Variants in LRTM1 observed in about 807,000 individuals in gnomAD.
LRTM1 encodes leucine rich repeat transmembrane protein 1.
LRTM1 carries 38 observed loss-of-function variants against 32.4 expected under a neutral mutation model. The ratio of observed to expected loss-of-function variants is 1.17; its 90% confidence interval spans 0.91 to 1.54. The LOEUF (loss-of-function observed/expected upper bound fraction) is 1.54, where lower values mean the gene tolerates loss of function less well. LRTM1 is among the 40% of genes most tolerant of loss of function. LRTM1 has a pLI of 0.00. For missense variants in LRTM1, 466 were observed against 415.4 expected, an observed-to-expected ratio of 1.12 and a Z score of -1.06; for synonymous variants, 186 against 169.9, an observed-to-expected ratio of 1.09 and a Z score of -0.74.
chr3:54,964,936 A>G (rs2107058261), intron 1 of LRTM1, among the ~76,000 whole-genome samples: 1 of 152,136 alleles, frequency 6.6e-6, no homozygotes, highest in African/African-American at 2.4e-5. Flanking sequence ...CCCATTTTAT[A>G]GGCCCTTTCC....
At position 54,940,888 on chromosome 3, in the gene LRTM1, A is replaced by G. The variant is rs548236555; in HGVS notation, c.-221-15673T>C. On this transcript the variant is annotated intron_variant, in intron 1 of 2. Transcript: ENST00000493075. ...CTAGCAGGGAGCCAAAGGTATCTGT[A>G]TGTTTGCATCTTGAAAAATAAATGG... Among the ~76,000 whole-genome samples, 8 of 152,312 alleles carry G rather than the reference A, an allele frequency of 5.3e-5. No individual in the cohort carries two copies. The South Asian group carries it at 1.7e-3, about 32-fold the overall frequency.
At chr3:54,925,759 T>C (rs1381339677) in intron 1 of LRTM1, among the ~76,000 whole-genome samples, 3 of 152,196 alleles carry the variant, frequency 2.0e-5, no homozygotes, top group Non-Finnish European at 4.4e-5. Context: ...ACCAAGGAAC[T>C]GAATTTTTAT....
At chr3:54,961,262 C>G (rs932382030) in intron 1 of LRTM1, among the ~76,000 whole-genome samples, 2 of 152,110 alleles carry the variant, frequency 1.3e-5, no homozygotes, top group African/African-American at 4.8e-5. Context: ...GAGATATTAA[C>G]CAAGCCATGT....
At chr3:54,931,522 C>T (rs1283274120), upstream of LRTM1, among the ~76,000 whole-genome samples, 1 of 152,138 alleles carries the variant, frequency 6.6e-6, no homozygotes, top group Non-Finnish European at 1.5e-5. Flanking sequence ...AAAAGAGGAA[C>T]CAAGGAGAGA....
upstream of LRTM1, among the ~76,000 whole-genome samples, chr3:54,932,365 C>G (rs1701211142): frequency 6.6e-6 from 1 of 151,886 alleles, no homozygotes; most frequent in Admixed American, 6.6e-5. Context: ...GTTGGTTTGT[C>G]TGAAAATGGA....
chr3:54,946,995 C>T (rs1247398004), intron 1 of LRTM1, among the ~76,000 whole-genome samples: 2 of 152,100 alleles, frequency 1.3e-5, no homozygotes, highest in Non-Finnish European at 2.9e-5. Flanking sequence ...ATTAGAATTA[C>T]CTGGAGAGCC....
chr3:54,949,580 AG>A, intron 1 of LRTM1, among the ~76,000 whole-genome samples: 1 of 152,196 alleles, frequency 6.6e-6, no homozygotes, highest in Non-Finnish European at 1.5e-5. Context: ...GCCATACCCA[AG>A]GGGCAGCACT....
intron 1 of LRTM1, among the ~76,000 whole-genome samples, chr3:54,944,452 G>A (rs1362475382): frequency 2.7e-5 from 4 of 150,340 alleles, no homozygotes; most frequent in Non-Finnish European, 4.4e-5. Context: ...ACGGAATCTC[G>A]CTCTGTCGCC....
intron 1 of LRTM1, among the ~76,000 whole-genome samples, chr3:54,942,514 T>C (rs1341715767): frequency 6.6e-6 from 1 of 152,220 alleles, no homozygotes. Context: ...TCTCTATTTC[T>C]AAGTAACTTG....
At chr3:54,955,692 G>A (rs536258252) in intron 1 of LRTM1, among the ~76,000 whole-genome samples, 5 of 152,252 alleles carry the variant, frequency 3.3e-5, no homozygotes, top group South Asian at 4.2e-4. Flanking sequence ...ACTGAGATCA[G>A]ACAGCCTGGC....
chr3:54,933,433 T>C (rs1701255272), intron 1 of LRTM1, among the ~76,000 whole-genome samples: 1 of 152,204 alleles, frequency 6.6e-6, no homozygotes, highest in South Asian at 2.1e-4. Flanking sequence ...TCTTCTTGGC[T>C]CTCAGAGCCC....
intron 1 of LRTM1, among the ~76,000 whole-genome samples, chr3:54,933,106 T>C (rs950174795): frequency 9.7e-6 from 1 of 102,780 alleles, no homozygotes; most frequent in African/African-American, 3.6e-5. Flanking sequence ...CCTTCCTTCC[T>C]TCCTTCCTTC....
At chr3:54,930,735 G>A (rs569169853), upstream of LRTM1, among the ~76,000 whole-genome samples, 33 of 152,310 alleles carry the variant, frequency 2.2e-4, no homozygotes, top group Admixed American at 3.9e-4. Flanking sequence ...TACCTACCTC[G>A]CCGGAGGCAG....
chr3:54,935,694 A>G (rs998321150), intron 1 of LRTM1, among the ~76,000 whole-genome samples: 10 of 152,210 alleles, frequency 6.6e-5, no homozygotes, highest in South Asian at 2.1e-4. Context: ...TACTTTTACT[A>G]TAACGTGATA....
chr3:54,954,619 G>A (rs1701836062), intron 1 of LRTM1, among the ~76,000 whole-genome samples: 1 of 152,196 alleles, frequency 6.6e-6, no homozygotes. Context: ...GAGGTAGGGT[G>A]TGGAGAAGAC....
intron 1 of LRTM1, among the ~76,000 whole-genome samples, chr3:54,942,732 A>T (rs77479252): frequency 1.3e-5 from 2 of 151,898 alleles, no homozygotes; most frequent in East Asian, 1.9e-4. Context: ...CTAAAAAAAT[A>T]AAAAAAATTA....
chr3:54,931,762 G>A (rs904058110), upstream of LRTM1, among the ~76,000 whole-genome samples: 6 of 152,126 alleles, frequency 3.9e-5, no homozygotes, highest in African/African-American at 1.4e-4. Flanking sequence ...TAATATGTTA[G>A]TCTATTTACC....
chr3:54,933,552 G>T (rs1701259129), intron 1 of LRTM1, among the ~76,000 whole-genome samples: 1 of 152,172 alleles, frequency 6.6e-6, no homozygotes, highest in South Asian at 2.1e-4. Context: ...ATGTTGTCTA[G>T]CAGTGTGTCT....
upstream of LRTM1, among the ~76,000 whole-genome samples, chr3:54,932,253 G>A (rs79032919): frequency 0.033 from 5,047 of 152,160 alleles, 251 homozygotes; most frequent in African/African-American, 0.11. Context: ...TCATAATAAA[G>A]TGGGAGGCAA....
Sources: gnomAD v4.1 joint callset for allele counts (sites outside exome capture counted in the v4.1 genomes callset) on GRCh38, gnomAD v4.1.1 for gene constraint, MANE v1.5 for transcripts, NCBI Gene and HGNC (gene_info 2026-07-23, HGNC 2026-07-21) for gene names.